ACBD6: variants seen among roughly 807,000 people sequenced by gnomAD.
The protein encoded by ACBD6 is acyl-CoA-binding domain-containing protein 6.
ACBD6 carries 28 observed loss-of-function variants against 37.2 expected under a neutral mutation model. That is an observed-to-expected ratio of 0.75 (90% CI 0.56 to 1.03). The LOEUF is 1.03. Ranked by LOEUF, ACBD6 falls within the 50% of genes least tolerant of loss-of-function variation. The pLI is 0.00. For missense variants in ACBD6, 340 were observed against 337.4 expected (o/e 1.01, Z -0.06); for synonymous variants, 113 against 126.8 (o/e 0.89, Z 0.73).
At position 180,311,785 on chromosome 1, in the gene ACBD6, A is replaced by G. The variant is rs989529365; in HGVS notation, c.694+2907T>C. Among the ~76,000 whole-genome samples the G allele has an allele frequency of 2.0e-5, 3 of 152,128 alleles. 1 individual carries two copies. Among genetic ancestry groups the G allele is most frequent in the Admixed American group, 1.3e-4 (2 of 15,250 alleles). On this transcript the variant is annotated intron_variant, in intron 7 of 7. Transcript: ENST00000367595. ...GAGTAATCTTGGTTCAAATATCACA[A>G]AGTTTTCCTTCTTACCAAATTTTTG...
At chr1:180,312,104 T>C (rs1326902318) in intron 7 of ACBD6, among the ~76,000 whole-genome samples, 1 of 152,222 alleles carries the variant, frequency 6.6e-6, no homozygotes, top group Non-Finnish European at 1.5e-5. Context: ...CAAAGCTTGT[T>C]AAATTCCACA....
rs373208478 is a variant in ACBD6, at chr1:180,445,304, C to T, written c.385-15042G>A. On this transcript the variant is annotated intron_variant, in intron 3 of 7. Transcript: ENST00000367595. ...TTGACCTATGGTCTTTACCTAATAG[C>T]TCTAAACTCCTGATTCTCTTGATAA... Among the ~76,000 whole-genome samples the T allele has an allele frequency of 2.0e-5, 3 of 152,146 alleles. No individual in the cohort carries two copies. The East Asian group carries it at 5.8e-4, about 29-fold the overall frequency.
chr1:180,450,888 A>T (rs1464365543), intron 3 of ACBD6, among the ~76,000 whole-genome samples: 2 of 152,202 alleles, frequency 1.3e-5, no homozygotes, highest in Non-Finnish European at 2.9e-5. Flanking sequence ...ACAGTGAAAT[A>T]AATTTTGGCT....
At chr1:180,354,265 C>T (rs1042367925) in intron 6 of ACBD6, among the ~76,000 whole-genome samples, 2 of 152,224 alleles carry the variant, frequency 1.3e-5, no homozygotes, top group African/African-American at 4.8e-5. Flanking sequence ...AAGGAAAACA[C>T]AATCTGCTTC....
chr1:180,488,679 A>G (rs1234216969), intron 3 of ACBD6, among the ~76,000 whole-genome samples: 1 of 151,848 alleles, frequency 6.6e-6, no homozygotes, highest in African/African-American at 2.4e-5. Context: ...CGTTCAATGG[A>G]TTCTCCCACC....
At chr1:180,376,703 G>A (rs1279356501) in intron 6 of ACBD6, among the ~76,000 whole-genome samples, 2 of 152,188 alleles carry the variant, frequency 1.3e-5, no homozygotes, top group Non-Finnish European at 2.9e-5. Context: ...TACCTGTAGG[G>A]AGTGGGTGAA....
chr1:180,435,707 G>A lies in ACBD6; in HGVS notation c.385-5445C>T, dbSNP rs537843496. On this transcript the variant is annotated intron_variant, in intron 3 of 7. Transcript: ENST00000367595. ...GGTGAACAAGAAGTTAGAGACCGCT[G>A]TCAATCTCGCCTGGACAGCAGGAAA... The A allele has an allele frequency of 3.4e-3, 2,930 of 863,870 alleles. 10 individuals are homozygous for A. Among genetic ancestry groups the A allele is most frequent in the Non-Finnish European group, 4.6e-3 (2,294 of 498,278 alleles). 53.5% of individuals were successfully genotyped at this position (863,870 alleles called of 1,614,324 possible).
At chr1:180,396,535 C>T (rs993550764) in intron 6 of ACBD6, among the ~76,000 whole-genome samples, 1 of 152,186 alleles carries the variant, frequency 6.6e-6, no homozygotes, top group South Asian at 2.1e-4. Flanking sequence ...AAGACACTTG[C>T]AAATCATGTA....
At chr1:180,390,385 A>G (rs1357137085) in intron 6 of ACBD6, among the ~76,000 whole-genome samples, 1 of 149,912 alleles carries the variant, frequency 6.7e-6, no homozygotes, top group African/African-American at 2.4e-5. Flanking sequence ...TACCAGTGCC[A>G]TGCTGTTTTG....
chr1:180,454,617 A>G (rs1649844723), intron 3 of ACBD6, among the ~76,000 whole-genome samples: 1 of 152,176 alleles, frequency 6.6e-6, no homozygotes, highest in South Asian at 2.1e-4. Flanking sequence ...AATTTTTGCA[A>G]TCTATCCATC....
chr1:180,460,337 C>T (rs1393654291), intron 3 of ACBD6, among the ~76,000 whole-genome samples: 4 of 150,210 alleles, frequency 2.7e-5, no homozygotes, highest in African/African-American at 9.9e-5. Flanking sequence ...GCAACTTAGC[C>T]GTTCCAGCCT....
intron 6 of ACBD6, among the ~76,000 whole-genome samples, chr1:180,355,694 T>A (rs948532689): frequency 9.9e-5 from 15 of 152,138 alleles, no homozygotes; most frequent in African/African-American, 3.6e-4. Flanking sequence ...ATCCACTAAC[T>A]CCTACAAGAG....
intron 4 of ACBD6, among the ~76,000 whole-genome samples, chr1:180,422,834 G>A (rs1342865283): frequency 2.0e-5 from 3 of 152,170 alleles, no homozygotes; most frequent in Non-Finnish European, 2.9e-5. Context: ...TAGCGTCTTG[G>A]CATTTTAAGT....
At chr1:180,293,870 C>T (rs1649810798) in intron 7 of ACBD6, among the ~76,000 whole-genome samples, 1 of 151,942 alleles carries the variant, frequency 6.6e-6, no homozygotes, top group Non-Finnish European at 1.5e-5. Context: ...CCAAGCCTCC[C>T]AGCTGGGACT....
At chr1:180,351,407 C>T (rs533202534) in intron 6 of ACBD6, among the ~76,000 whole-genome samples, 3,294 of 151,884 alleles carry the variant, frequency 0.022, 126 homozygotes, top group African/African-American at 0.075. Context: ...TCCCGACTAG[C>T]TGGGACTACA....
intron 3 of ACBD6, among the ~76,000 whole-genome samples, chr1:180,475,848 A>AC (rs1348599200): frequency 1.3e-5 from 2 of 152,212 alleles, no homozygotes; most frequent in African/African-American, 4.8e-5. Context: ...CCTAGTGTTT[A>AC]CCATATGATG....
chr1:180,390,611 A>G (rs941350487), intron 6 of ACBD6, among the ~76,000 whole-genome samples: 19 of 152,010 alleles, frequency 1.2e-4, no homozygotes, highest in African/African-American at 4.1e-4. Flanking sequence ...CCATTTTCAC[A>G]ATATTGATTC....
At position 180,341,748 on chromosome 1, in the gene ACBD6, C is replaced by T. The variant is rs534740793; in HGVS notation, c.664-27026G>A. 3.9e-4 allele frequency among the ~76,000 whole-genome samples: 59 copies of T among 151,966 alleles called. No individual in the cohort carries two copies. The Middle Eastern group carries it at 0.01, about 26-fold the overall frequency. ...TGTTTTTGTAAAAATTTATAAAATA[C>T]ATTATTACTTTGTAATAAGAAAAAG... On this transcript the variant is annotated intron_variant, in intron 6 of 7. Coordinates refer to ENST00000367595, the MANE Select transcript of ACBD6 (RefSeq NM_032360.4).
intron 3 of ACBD6, among the ~76,000 whole-genome samples, chr1:180,433,845 G>C (rs1648912306): frequency 6.6e-6 from 1 of 151,932 alleles, no homozygotes; most frequent in Admixed American, 6.6e-5. Context: ...AATCCCGAGA[G>C]AGAGTCCTGC....
Sources: allele counts gnomAD v4.1 joint callset (sites outside exome capture counted in the v4.1 genomes callset), GRCh38; gene constraint gnomAD v4.1.1; transcripts MANE v1.5; gene names NCBI Gene and HGNC (gene_info 2026-07-23, HGNC 2026-07-21).